CHSY3: variants seen among roughly 807,000 people sequenced by gnomAD.
CHSY3 encodes N-acetylgalactosaminyl-proteoglycan 3-beta-glucuronosyltransferase 3.
A neutral mutation model predicts 67.2 loss-of-function variants in CHSY3; 35 were observed. The ratio of observed to expected loss-of-function variants is 0.52; its 90% confidence interval spans 0.40 to 0.69. CHSY3 has a LOEUF of 0.69. Ranked by LOEUF, CHSY3 falls within the 30% of genes least tolerant of loss-of-function variation. The pLI, the probability that CHSY3 is intolerant of heterozygous loss-of-function variation, is 0.00. For missense variants in CHSY3, 1,069 were observed against 1,138.5 expected (o/e 0.94, Z 0.88); for synonymous variants, 474 against 434.7 (o/e 1.09, Z -1.12).
intron 2 of CHSY3, among the ~76,000 whole-genome samples, chr5:130,085,599 C>T (rs548135537): frequency 2.0e-5 from 3 of 152,140 alleles, no homozygotes; most frequent in Admixed American, 2.0e-4. Flanking sequence ...TTTTTTATGT[C>T]TCTATTTCCT....
chr5:130,182,248 A>G (rs1194501648), intron 2 of CHSY3, among the ~76,000 whole-genome samples: 1 of 152,108 alleles, frequency 6.6e-6, no homozygotes, highest in African/African-American at 2.4e-5. Context: ...GATGATGAAT[A>G]AAGTAGAGAA....
chr5:130,134,961 T>G (rs371607662), intron 2 of CHSY3, among the ~76,000 whole-genome samples: 12 of 151,710 alleles, frequency 7.9e-5, no homozygotes, highest in African/African-American at 2.7e-4. Context: ...CAGTCACCCA[T>G]TTGTGAATCT....
chr5:130,076,897 T>C (rs1306118389), intron 2 of CHSY3, among the ~76,000 whole-genome samples: 2 of 137,912 alleles, frequency 1.5e-5, no homozygotes, highest in African/African-American at 5.5e-5. Flanking sequence ...AATTGAACAA[T>C]GAGAACACAT....
At chr5:130,083,979 CAA>C (rs1766525306) in intron 2 of CHSY3, among the ~76,000 whole-genome samples, 1 of 151,310 alleles carries the variant, frequency 6.6e-6, no homozygotes, top group African/African-American at 2.4e-5. Context: ...GCATTTTTTT[CAA>C]ACAGTTTACT....
chr5:129,968,430 C>A (rs930820969), intron 2 of CHSY3, among the ~76,000 whole-genome samples: 3 of 151,806 alleles, frequency 2.0e-5, no homozygotes, highest in African/African-American at 2.4e-5. Context: ...TGCAATTCAG[C>A]AAACATATAT....
At position 130,015,473 on chromosome 5, in the gene CHSY3, CAT is replaced by C. The variant is rs1433364784; in HGVS notation, c.1086+107116_1086+107117del. Among the ~76,000 whole-genome samples the C allele has an allele frequency of 1.1e-4, 17 of 152,090 alleles. 1 individual carries two copies. The East Asian group carries it at 3.1e-3, about 28-fold the overall frequency. The stretch of plus-strand genomic sequence containing the variant: ...AGAAGACATACACAGGGTCAACAAA[CAT>C]ATGAAAAAAAATGTTCAGCGTCACT... On this transcript the variant is annotated intron_variant, in intron 2 of 2. Coordinates refer to ENST00000305031, the MANE Select transcript of CHSY3 (RefSeq NM_175856.5).
chr5:130,049,229 A>G (rs73243602), intron 2 of CHSY3, among the ~76,000 whole-genome samples: 4 of 152,216 alleles, frequency 2.6e-5, no homozygotes, highest in African/African-American at 9.6e-5. Context: ...TTATTTCATG[A>G]GAGTTGAGAA....
chr5:130,087,348 C>G (rs373321728), intron 2 of CHSY3, among the ~76,000 whole-genome samples: 143 of 152,158 alleles, frequency 9.4e-4, no homozygotes, highest in Non-Finnish European at 1.3e-3. Context: ...ATTCAACATA[C>G]TGTTGGAAGT....
At chr5:130,073,002 G>C (rs945724891) in intron 2 of CHSY3, among the ~76,000 whole-genome samples, 4 of 152,140 alleles carry the variant, frequency 2.6e-5, no homozygotes, top group Non-Finnish European at 5.9e-5. Context: ...AGAAGAGCAG[G>C]ATAGGAAAAG....
Position 129,905,469 on chromosome 5 carries a change from G to A in CHSY3, c.640G>A (p.Ala214Thr), listed in dbSNP as rs1760243851. ...CTTTTCCAGCCAGCAGCCCCCCAAC[G>A]CCGGCCAGCCCCCGCCACCCCTGCC... ...EFFSSQQPPN[A>T]GQPPPPLPVI... is the part of the protein sequence containing the mutation. Residue 214 changes from alanine (A) to threonine (T), a missense_variant, in exon 1 of 3, where the codon GCC becomes ACC. Ala to Thr is a moderately conservative substitution (Grantham distance 58). Coordinates refer to ENST00000305031, the MANE Select transcript of CHSY3 (RefSeq NM_175856.5). 2 of 1,612,638 alleles carry A rather than the reference G, an allele frequency of 1.2e-6. No individual in the cohort carries two copies. The highest frequency in any genetic ancestry group is 1.7e-6 in the Non-Finnish European group (2 of 1,179,960).
intron 2 of CHSY3, among the ~76,000 whole-genome samples, chr5:130,173,575 T>A (rs2149733879): frequency 6.6e-6 from 1 of 152,282 alleles, no homozygotes; most frequent in Non-Finnish European, 1.5e-5. Context: ...AGTTTATAGA[T>A]CAGATGTATC....
intron 2 of CHSY3, among the ~76,000 whole-genome samples, chr5:130,181,926 T>C (rs1173013817): frequency 6.6e-6 from 1 of 151,050 alleles, no homozygotes; most frequent in Non-Finnish European, 1.5e-5. Context: ...TAAATTTAGG[T>C]TATTTTCAGT....
chr5:129,975,875 A>G (rs1048594928), intron 2 of CHSY3, among the ~76,000 whole-genome samples: 3 of 151,960 alleles, frequency 2.0e-5, no homozygotes, highest in Non-Finnish European at 2.9e-5. Flanking sequence ...ATAAAATGAG[A>G]TAGTTTATGT....
intron 2 of CHSY3, among the ~76,000 whole-genome samples, chr5:130,084,362 G>A (rs1766542459): frequency 6.6e-6 from 1 of 151,906 alleles, no homozygotes; most frequent in African/African-American, 2.4e-5. Flanking sequence ...TGAAAGAAAT[G>A]CAATTAGCTT....
At chr5:130,048,718 A>T (rs1765230629) in intron 2 of CHSY3, among the ~76,000 whole-genome samples, 1 of 151,836 alleles carries the variant, frequency 6.6e-6, no homozygotes, top group Non-Finnish European at 1.5e-5. Context: ...CTTGTTATGT[A>T]TCTTTTCTAC....
intron 2 of CHSY3, among the ~76,000 whole-genome samples, chr5:130,113,465 A>G: frequency 6.6e-6 from 1 of 152,226 alleles, no homozygotes; most frequent in East Asian, 1.9e-4. Flanking sequence ...AGCTATTAAA[A>G]GAGCATTTTT....
intron 2 of CHSY3, among the ~76,000 whole-genome samples, chr5:130,026,856 A>G (rs947706686): frequency 2.0e-5 from 3 of 152,122 alleles, no homozygotes; most frequent in African/African-American, 7.2e-5. Context: ...TGACAAGTTT[A>G]CTTTTCTGTA....
intron 2 of CHSY3, among the ~76,000 whole-genome samples, chr5:129,957,933 A>G (rs180693102): frequency 2.0e-4 from 30 of 151,988 alleles, no homozygotes; most frequent in Non-Finnish European, 3.7e-4. Flanking sequence ...CCAATTGGCC[A>G]TATCTGTAAC....
chr5:129,957,857 T>A (rs2149605580), intron 2 of CHSY3, among the ~76,000 whole-genome samples: 1 of 152,138 alleles, frequency 6.6e-6, no homozygotes, highest in East Asian at 1.9e-4. Flanking sequence ...CTTTTTTTTC[T>A]ATTGTTTCCT....
Sources: allele counts gnomAD v4.1 joint callset (sites outside exome capture counted in the v4.1 genomes callset), GRCh38; gene constraint gnomAD v4.1.1; transcripts MANE v1.5; gene names NCBI Gene and HGNC (gene_info 2026-07-23, HGNC 2026-07-21).